NQO2: variants seen among roughly 807,000 people sequenced by gnomAD.
NQO2 encodes the protein N-ribosyldihydronicotinamide:quinone dehydrogenase 2, also known as ribosyldihydronicotinamide dehydrogenase [quinone].
A neutral mutation model predicts 22.0 loss-of-function variants in NQO2; 18 were observed. That is an observed-to-expected ratio of 0.82 (90% CI 0.56 to 1.21). The LOEUF (loss-of-function observed/expected upper bound fraction) is 1.21. Ranked by LOEUF, NQO2 falls within the 50% of genes most tolerant of loss-of-function variation. NQO2 has a pLI of 0.00. For synonymous variants in NQO2, 106 were observed against 110.8 expected, an observed-to-expected ratio of 0.96 and a Z score of 0.28; for missense variants, 267 against 286.9, an observed-to-expected ratio of 0.93 and a Z score of 0.50.
At chr6:3,005,971 T>C (rs1470286271) in intron 1 of NQO2, among the ~76,000 whole-genome samples, 2 of 152,220 alleles carry the variant, frequency 1.3e-5, no homozygotes, top group Non-Finnish European at 2.9e-5. Flanking sequence ...CTGGAGAATC[T>C]CTGAGACTTC....
At chr6:3,001,878 C>A (rs180954000) in intron 1 of NQO2, among the ~76,000 whole-genome samples, 47 of 152,142 alleles carry the variant, frequency 3.1e-4, no homozygotes, top group African/African-American at 1.1e-3. Context: ...GATGGGGTGC[C>A]AAGGGAAGTG....
chr6:3,012,825 ACACCTAGTTACAACATTT>A (rs1323898502), intron 4 of NQO2, 151 bp downstream of exon 4: 161 of 734,320 alleles, frequency 2.2e-4, no homozygotes, highest in Admixed American at 3.5e-4. Context: ...CCTGGTTACA[ACACCTAGTTACAACATTT>A]CACCTAGTTA....
chr6:3,012,141 G>A (rs1757154706), intron 3 of NQO2, among the ~76,000 whole-genome samples: 1 of 152,192 alleles, frequency 6.6e-6, no homozygotes, highest in African/African-American at 2.4e-5. Context: ...TATAAAATAT[G>A]TAAATCAAGA....
chr6:3,000,955 C>CG (rs1561708194), intron 1 of NQO2, among the ~76,000 whole-genome samples: 1 of 151,652 alleles, frequency 6.6e-6, no homozygotes, highest in East Asian at 1.9e-4. Context: ...CGATTCTCCC[C>CG]CCTCAGCCCC....
intron 4 of NQO2, among the ~76,000 whole-genome samples, chr6:3,014,698 A>G (rs570370162): frequency 6.6e-6 from 1 of 152,196 alleles, no homozygotes; most frequent in African/African-American, 2.4e-5. Context: ...TAAAAATTTC[A>G]TTCATCACTA....
At chr6:3,004,268 T>C in intron 1 of NQO2, 1 of 901,650 alleles carries the variant, frequency 1.1e-6, no homozygotes, top group Non-Finnish European at 1.3e-6. Flanking sequence ...GGGTCTGTCC[T>C]TGGGGAACCA....
chr6:3,012,518 A>G, intron 3 of NQO2, 26 bp from the exon 4 acceptor site: 2 of 1,613,690 alleles, frequency 1.2e-6, no homozygotes, highest in Non-Finnish European at 1.7e-6. Context: ...CCTAGGAGTG[A>G]GAATGTTTGG....
intron 1 of NQO2, among the ~76,000 whole-genome samples, chr6:3,000,877 C>G (rs181705152): frequency 2.0e-5 from 3 of 151,764 alleles, no homozygotes; most frequent in South Asian, 2.1e-4. Context: ...GAGTCTCACT[C>G]TGTTGCCCAG....
chr6:3,007,463 C>G (rs73718696), intron 2 of NQO2, among the ~76,000 whole-genome samples: 5,671 of 152,296 alleles, frequency 0.037, 117 homozygotes, highest in African/African-American at 0.055. Flanking sequence ...GTAGCCAGCT[C>G]AATGCCCTGA....
At chr6:3,017,185 T>C (rs59496324) in intron 6 of NQO2, among the ~76,000 whole-genome samples, 200 bp downstream of exon 6, 2,785 of 152,320 alleles carry the variant, frequency 0.018, 88 homozygotes, top group African/African-American at 0.063. Flanking sequence ...ATTTTGCCCC[T>C]TTTAAATGCT....
chr6:3,019,710 C>G lies in NQO2; in HGVS notation c.*55C>G. On this transcript the variant is annotated 3_prime_UTR_variant, in exon 7 of 7. Transcript: ENST00000380455. Reference sequence around the variant, plus strand: ...GCACACTAGGAGGCCCAGGCGCAGGCAAAGAGAAGATGGTGCTGTCATGAA... The same window carrying G: ...GCACACTAGGAGGCCCAGGCGCAGGGAAAGAGAAGATGGTGCTGTCATGAA... 7.0e-7 allele frequency: 1 copy of G among 1,424,974 alleles called. No homozygotes were observed. Among genetic ancestry groups the G allele is most frequent in the Non-Finnish European group, 9.4e-7 (1 of 1,058,866 alleles). 88.3% of individuals were successfully genotyped at this position (1,424,974 alleles called of 1,614,324 possible). A position where few individuals can be genotyped will look rare whatever the true frequency, so the allele number is the denominator to read the frequency against.
intron 3 of NQO2, among the ~76,000 whole-genome samples, chr6:3,012,098 C>T (rs547966450): frequency 6.6e-6 from 1 of 152,288 alleles, no homozygotes; most frequent in African/African-American, 2.4e-5. Flanking sequence ...ACAATAATCA[C>T]TACGTGACCT....
chr6:3,012,059 A>T (rs946301431), intron 3 of NQO2, among the ~76,000 whole-genome samples: 2 of 152,276 alleles, frequency 1.3e-5, no homozygotes, highest in Non-Finnish European at 2.9e-5. Flanking sequence ...CATTACTAGT[A>T]TTAAGTCTAA....
At chr6:3,005,836 G>A in intron 1 of NQO2, 1 of 984,284 alleles carries the variant, frequency 1.0e-6, no homozygotes, top group East Asian at 1.1e-4. Context: ...TGATGAGGAG[G>A]TTGAGGCACA....
intron 1 of NQO2, among the ~76,000 whole-genome samples, chr6:3,001,835 T>C (rs1168180622): frequency 6.6e-6 from 1 of 152,182 alleles, no homozygotes; most frequent in Non-Finnish European, 1.5e-5. Flanking sequence ...AGGTGCATAG[T>C]TTCTAAAAAG....
rs915407088 is a variant in NQO2, at chr6:3,012,610, C to G, written c.239C>G (p.Ser80Cys). ...VETHEAYKQR[S>C]LASDITDEQK... Reference sequence around the variant, plus strand: ...ACCCACGAAGCCTACAAGCAAAGGTCTCTGGCTAGCGACATCACTGATGAG... The same window carrying G: ...ACCCACGAAGCCTACAAGCAAAGGTGTCTGGCTAGCGACATCACTGATGAG... Residue 80 changes from serine (S) to cysteine (C), a missense_variant, in exon 4 of 7, where the codon TCT (serine) becomes TGT (cysteine). Transcript: ENST00000380455. The G allele has an allele frequency of 1.2e-6, 2 of 1,614,160 alleles. No homozygotes were observed. The highest frequency in any genetic ancestry group is 1.7e-6 in the Non-Finnish European group (2 of 1,180,030).
At position 3,006,206 on chromosome 6, in the gene NQO2, C is replaced by T. The variant is rs1396106075; in HGVS notation, c.-85-262C>T. On this transcript the variant is annotated intron_variant, in intron 1 of 6. Transcript: ENST00000380455. The surrounding 1 kb of genome is among the most constrained non-coding windows in gnomAD (Gnocchi z 4.0). Reference sequence around the variant, plus strand: ...TCAACTCCTGCTTCCTACCGTGGCTCATTTCCTGGGTCCTTTGCTGTATGA... The same window carrying T: ...TCAACTCCTGCTTCCTACCGTGGCTTATTTCCTGGGTCCTTTGCTGTATGA... 4.4e-6 allele frequency: 2 copies of T among 452,852 alleles called. No homozygotes were observed. The highest frequency in any genetic ancestry group is 1.6e-4 in the East Asian group (1 of 6,410). The allele number at this position is 452,852 out of a possible 1,614,324, so 28.1% of individuals were successfully genotyped here. A position where few individuals can be genotyped will look rare whatever the true frequency, so the allele number is the denominator to read the frequency against.
rs1200932023 is a variant in NQO2 at position 3,012,993 on chromosome 6, T to C, written c.303+319T>C. Among the ~76,000 whole-genome samples the C allele has an allele frequency of 3.2e-5, 4 of 123,918 alleles. No individual in the cohort carries two copies. The Admixed American group carries it at 3.8e-4, about 12-fold the overall frequency. The allele number at this position is 123,918 out of a possible 152,430, so 81.3% of individuals were successfully genotyped here. A position where few individuals can be genotyped will look rare whatever the true frequency, so the allele number is the denominator to read the frequency against. On this transcript the variant is annotated intron_variant, in intron 4 of 6. Coordinates refer to ENST00000380455, the MANE Select transcript of NQO2 (RefSeq NM_000904.6). ...TTTTTTGAGACGGAGTCTCGCTCTG[T>C]CGCCCAGGCTGGAGTGCAGTGGCGG...
chr6:3,006,506 C>T lies in NQO2; in HGVS notation c.-47C>T. 6.2e-7 allele frequency: 1 copy of T among 1,612,808 alleles called. No homozygotes were observed. The highest frequency in any genetic ancestry group is 8.5e-7 in the Non-Finnish European group (1 of 1,179,428). ...CTGAAGAGAGACTACGCAGGAAAGC[C>T]CCAGCCACCCATCAAATCAGAGAGA... On this transcript the variant is annotated 5_prime_UTR_variant, in exon 2 of 7. Coordinates refer to ENST00000380455, the MANE Select transcript of NQO2 (RefSeq NM_000904.6). This position sits in a 1 kb window ranked among gnomAD's most constrained non-coding sequence, Gnocchi z 4.0.
Sources: allele counts gnomAD v4.1 joint callset (sites outside exome capture counted in the v4.1 genomes callset), GRCh38; gene constraint gnomAD v4.1.1; non-coding constraint Gnocchi (gnomAD v3.1); transcripts MANE v1.5; gene names NCBI Gene and HGNC (gene_info 2026-07-23, HGNC 2026-07-21).